ZNF787: variants seen among roughly 807,000 people sequenced by gnomAD.
The protein encoded by ZNF787 is zinc finger protein 787.
ZNF787 carries 7 observed loss-of-function variants against 16.9 expected under a neutral mutation model. The ratio of observed to expected loss-of-function variants is 0.42; its 90% CI spans 0.24 to 0.78. The LOEUF (loss-of-function observed/expected upper bound fraction) is 0.78. Ranked by LOEUF, ZNF787 falls within the 30% of genes least tolerant of loss-of-function variation. The pLI is 0.30. For synonymous variants in ZNF787, 345 were observed against 270.9 expected (o/e 1.27, Z -2.69); for missense variants, 551 against 589.3 (o/e 0.94, Z 0.67).
chr19:56,109,011 C>T (rs888301620), intron 1 of ZNF787, among the ~76,000 whole-genome samples: 3 of 151,690 alleles, frequency 2.0e-5, no homozygotes, highest in East Asian at 1.9e-4. Context: ...AGACCCACGC[C>T]GGGGAGGTGG....
chr19:56,119,671 C>A (rs1043965036), intron 1 of ZNF787, among the ~76,000 whole-genome samples: 1 of 152,234 alleles, frequency 6.6e-6, no homozygotes, highest in Admixed American at 6.5e-5. Flanking sequence ...AACCCAGTGC[C>A]TGCACACACT....
intron 1 of ZNF787, among the ~76,000 whole-genome samples, chr19:56,115,557 A>T (rs182591491): frequency 3.7e-4 from 56 of 151,576 alleles, no homozygotes; most frequent in African/African-American, 1.3e-3. Context: ...ACGGGGATTC[A>T]CCATGTTAGC....
chr19:56,088,097 C>A lies in ZNF787; in HGVS notation c.1075G>T (p.Gly359Trp), dbSNP rs769360338. 1 of 1,521,002 alleles carries A rather than the reference C, an allele frequency of 6.6e-7. No homozygotes were observed. The highest frequency in any genetic ancestry group is 1.2e-5 in the South Asian group (1 of 83,408). The allele number at this position is 1,521,002 out of a possible 1,614,324, so 94.2% of individuals were successfully genotyped here. The change falls in exon 3 of 3, where the codon GGG (glycine) becomes TGG (tryptophan). Residue 359 changes from glycine (G) to tryptophan (W), a missense_variant. By Grantham distance (184) the Gly-to-Trp change is radical (BLOSUM62 -2). This residue lies in a region of ZNF787 where 392 missense variants were observed against 312.7 expected (regional missense o/e 1.25). Coordinates refer to ENST00000610935, the MANE Select transcript of ZNF787 (RefSeq NM_001002836.4). This position sits in a 1 kb window ranked among gnomAD's most constrained non-coding sequence, Gnocchi z 8.6. ...SCGQSYYRAG[G>W]EEEDDDDEAA... ...TCGTCGTCGTCGTCCTCCTCCTCCC[C>A]GCCCGCGCGGTAGTAGCTCTGTCCG...
At chr19:56,107,817 G>A (rs1264661246) in intron 1 of ZNF787, among the ~76,000 whole-genome samples, 2 of 151,678 alleles carry the variant, frequency 1.3e-5, no homozygotes, top group South Asian at 2.1e-4. Context: ...CTTGAAGGCC[G>A]GGCATGCTGG....
At chr19:56,103,106 C>T (rs780487711) in intron 2 of ZNF787, 33 bp downstream of exon 2, 7 of 1,608,654 alleles carry the variant, frequency 4.4e-6, no homozygotes, top group Middle Eastern at 1.7e-4. Flanking sequence ...TGGGAGGCAG[C>T]GGGGTCGGCT....
chr19:56,112,585 T>C (rs1000622612), intron 1 of ZNF787, among the ~76,000 whole-genome samples: 2 of 137,298 alleles, frequency 1.5e-5, no homozygotes, highest in African/African-American at 5.5e-5. Context: ...AAGCAACTCC[T>C]CCTGGCCCTC....
chr19:56,089,628 G>A (rs372559351), intron 2 of ZNF787, among the ~76,000 whole-genome samples: 154 of 152,256 alleles, frequency 1.0e-3, no homozygotes, highest in African/African-American at 3.5e-3. Context: ...AGACAATCCT[G>A]GCTGCAGACA....
intron 1 of ZNF787, among the ~76,000 whole-genome samples, chr19:56,109,659 C>T (rs607770): frequency 3.3e-5 from 5 of 152,234 alleles, no homozygotes; most frequent in Admixed American, 2.6e-4. Flanking sequence ...ACTGGGAGGC[C>T]GAGGCGGGTG....
intron 2 of ZNF787, among the ~76,000 whole-genome samples, chr19:56,099,129 C>T (rs1475895802): frequency 6.6e-6 from 1 of 152,210 alleles, no homozygotes; most frequent in African/African-American, 2.4e-5. Flanking sequence ...TCCGGGTTCC[C>T]TGTAATCAGC....
intron 2 of ZNF787, 118 bp from the exon 3 acceptor site, chr19:56,089,210 G>A (rs1985477683): frequency 4.8e-6 from 3 of 623,196 alleles, no homozygotes; most frequent in Non-Finnish European, 7.6e-6. Flanking sequence ...CTGCCCTGGT[G>A]TCCTCAGAGT....
At position 56,089,172 on chromosome 19, in the gene ZNF787, G is replaced by A. The variant is rs114518665; in HGVS notation, c.80-80C>T. On this transcript the variant is annotated intron_variant, in intron 2 of 2. Coordinates refer to ENST00000610935, the MANE Select transcript of ZNF787 (RefSeq NM_001002836.4). ...CTGCCTTGGCTGCTACGCTGGCCTCGGGTGCCTCGCTCCCCCTGGCGCAGG... is the reference window on the plus strand; with the variant it reads ...CTGCCTTGGCTGCTACGCTGGCCTCAGGTGCCTCGCTCCCCCTGGCGCAGG... 8,369 of 1,129,570 alleles carry A rather than the reference G, an allele frequency of 7.4e-3. 112 individuals are homozygous for A. The highest frequency in any genetic ancestry group is 0.059 in the African/African-American group (3,610 of 61,350). 70.0% of individuals were successfully genotyped at this position (1,129,570 alleles called of 1,614,324 possible).
In ZNF787 at chr19:56,087,413, A is replaced by G. The variant is rs921705315; in HGVS notation, c.*610T>C. The G allele has an allele frequency of 1.3e-5, 2 of 151,440 alleles. No individual in the cohort carries two copies. The highest frequency in any genetic ancestry group is 4.9e-5 in the African/African-American group (2 of 41,176). The allele number at this position is 151,440 out of a possible 1,614,324, so 9.4% of individuals were successfully genotyped here. ...TTGTTCCAGCACCCCTTCCTCCACC[A>G]CGCCCAGGCCTGGGACAAACGGGCA... On this transcript the variant is annotated 3_prime_UTR_variant, in exon 3 of 3. Coordinates refer to ENST00000610935, the MANE Select transcript of ZNF787 (RefSeq NM_001002836.4).
At chr19:56,117,797 C>T (rs984380846) in intron 1 of ZNF787, among the ~76,000 whole-genome samples, 4 of 152,228 alleles carry the variant, frequency 2.6e-5, no homozygotes, top group Non-Finnish European at 4.4e-5. Context: ...CCAGCAAAGA[C>T]CCTGCACACA....
chr19:56,099,821 A>G (rs1013875487), intron 2 of ZNF787, among the ~76,000 whole-genome samples: 1 of 151,898 alleles, frequency 6.6e-6, no homozygotes, highest in African/African-American at 2.4e-5. Context: ...TCAGGGGTCC[A>G]AGACCAGCTG....
chr19:56,102,325 C>G (rs2123408953), intron 2 of ZNF787: 1 of 153,100 alleles, frequency 6.5e-6, no homozygotes, highest in Non-Finnish European at 1.5e-5. Context: ...TGAGCCCCGG[C>G]CAGCGTGGGG....
chr19:56,088,692 A>C lies in ZNF787; in HGVS notation c.480T>G (p.Thr160=). Residue 160 remains threonine (T), a synonymous_variant, in exon 3 of 3, where the codon ACT becomes ACG. Coordinates refer to ENST00000610935, the MANE Select transcript of ZNF787 (RefSeq NM_001002836.4). This position sits in a 1 kb window ranked among gnomAD's most constrained non-coding sequence, Gnocchi z 8.6. The part of the protein sequence containing the change: ...YTCPDCGRSF[T]QSKSLAKHRR... ...GGTGCTTGGCCAGGCTCTTGCTCTG[A>C]GTGAAGCTGCGGCCGCAGTCGGGGC... 1 of 1,598,152 alleles carries C rather than the reference A, an allele frequency of 6.3e-7. No homozygotes were observed. Among genetic ancestry groups the C allele is most frequent in the Non-Finnish European group, 8.5e-7 (1 of 1,174,862 alleles).
chr19:56,105,353 C>G (rs1410571001), intron 1 of ZNF787: 1 of 152,074 alleles, frequency 6.6e-6, no homozygotes, highest in Non-Finnish European at 1.5e-5. Flanking sequence ...AGCGAAACTC[C>G]ACGGGGAGGA....
chr19:56,096,650 T>C (rs1161014950), intron 2 of ZNF787, among the ~76,000 whole-genome samples: 1 of 150,332 alleles, frequency 6.7e-6, no homozygotes, highest in South Asian at 2.1e-4. Context: ...GAGGCAGAGG[T>C]TGCAGTGAGC....
At chr19:56,108,060 C>T (rs963020034) in intron 1 of ZNF787, among the ~76,000 whole-genome samples, 1 of 152,058 alleles carries the variant, frequency 6.6e-6, no homozygotes, top group Non-Finnish European at 1.5e-5. Context: ...CCTCGGGTCC[C>T]CTGCAACACG....
Sources: allele counts gnomAD v4.1 joint callset (sites outside exome capture counted in the v4.1 genomes callset), GRCh38; gene constraint gnomAD v4.1.1; regional missense constraint gnomAD v4.1.1; non-coding constraint Gnocchi (gnomAD v3.1); transcripts MANE v1.5; gene names NCBI Gene and HGNC (gene_info 2026-07-23, HGNC 2026-07-21).